The following SLC41A3 variants were observed in gnomAD, a reference collection of about 807,000 sequenced individuals.
SLC41A3 encodes solute carrier family 41 member 3.
Under a neutral mutation model 45.4 loss-of-function variants are expected in SLC41A3, and 44 were observed. The observed-to-expected ratio is 0.97, with a 90% CI of 0.76 to 1.25. SLC41A3 has a LOEUF of 1.25. SLC41A3 is among the 50% of genes most tolerant of loss of function. SLC41A3 has a pLI of 0.00. For synonymous variants in SLC41A3, 256 were observed against 252.4 expected (o/e 1.01, Z -0.13); for missense variants, 550 against 600.6 (o/e 0.92, Z 0.88).
chr3:126,062,236 C>A (rs558526927), intron 2 of SLC41A3, among the ~76,000 whole-genome samples: 16 of 152,234 alleles, frequency 1.1e-4, no homozygotes, highest in Non-Finnish European at 1.8e-4. Context: ...CCTGTCCATT[C>A]AGACCCCCAC....
intron 3 of SLC41A3, among the ~76,000 whole-genome samples, chr3:126,042,173 G>A (rs1942636806): frequency 6.6e-6 from 1 of 152,158 alleles, no homozygotes; most frequent in Non-Finnish European, 1.5e-5. Flanking sequence ...ACATATTAGA[G>A]TTCTCATGGA....
intron 3 of SLC41A3, among the ~76,000 whole-genome samples, chr3:126,046,139 CACTGTT>C (rs1331696851): frequency 3.3e-5 from 5 of 151,944 alleles, no homozygotes; most frequent in South Asian, 4.1e-4. Context: ...CAGTAAACAT[CACTGTT>C]AATGGTGGCA....
Position 126,007,143 on chromosome 3 carries a change from G to C in SLC41A3, c.1337C>G (p.Pro446Arg). ...CAGGTCCCCCAGCCCTGTAAGGTAG[G>C]GGATGCAGTGGTTGTCAGGATCCAG... ...QALDPDNHCIPYLTGLGDLLG... is the reference protein window; with the variant it reads ...QALDPDNHCIRYLTGLGDLLG... The change falls in exon 11 of 11, where the codon CCC becomes CGC. Residue 446 changes from proline (P) to arginine (R), a missense_variant. Pro to Arg is a moderately radical substitution (Grantham distance 103). Coordinates refer to ENST00000360370, the MANE Select transcript of SLC41A3 (RefSeq NM_017836.4). 1 of 1,614,234 alleles carries C rather than the reference G, an allele frequency of 6.2e-7. No individual in the cohort carries two copies. Among genetic ancestry groups the C allele is most frequent in the Non-Finnish European group, 8.5e-7 (1 of 1,180,040 alleles).
chr3:126,045,174 T>TA (rs1327331216), intron 3 of SLC41A3, among the ~76,000 whole-genome samples: 1 of 151,568 alleles, frequency 6.6e-6, no homozygotes, highest in Non-Finnish European at 1.5e-5. Context: ...TCAATTCCAT[T>TA]AAAAAAAGAA....
chr3:126,066,457 G>A (rs1944350392), intron 2 of SLC41A3, among the ~76,000 whole-genome samples: 1 of 152,102 alleles, frequency 6.6e-6, no homozygotes. Flanking sequence ...CGTGAGTTTT[G>A]GGATAACTTG....
At chr3:126,020,561 T>G (rs1054806726) in intron 6 of SLC41A3, among the ~76,000 whole-genome samples, 7 of 152,154 alleles carry the variant, frequency 4.6e-5, no homozygotes, top group African/African-American at 1.7e-4. Flanking sequence ...CGAAGCTCCA[T>G]CCCAACCACC....
At chr3:126,008,380 G>C (rs575116228) in intron 10 of SLC41A3, among the ~76,000 whole-genome samples, 1 of 151,698 alleles carries the variant, frequency 6.6e-6, no homozygotes, top group Non-Finnish European at 1.5e-5. Flanking sequence ...GGAGTGTGTG[G>C]TGTGAAGTGT....
chr3:126,021,661 C>G (rs1443154912), intron 6 of SLC41A3, among the ~76,000 whole-genome samples: 4 of 152,168 alleles, frequency 2.6e-5, no homozygotes, highest in Non-Finnish European at 5.9e-5. Context: ...CTGACCATGG[C>G]TTGACAACTG....
chr3:126,049,003 T>A (rs1240162913), intron 3 of SLC41A3, among the ~76,000 whole-genome samples: 1 of 152,158 alleles, frequency 6.6e-6, no homozygotes, highest in African/African-American at 2.4e-5. Flanking sequence ...ACTGTTGTAA[T>A]GAATTACATT....
At position 126,015,489 on chromosome 3, in the gene SLC41A3, C is replaced by T. The variant is rs377533624; in HGVS notation, c.970+5G>A. The T allele has an allele frequency of 1.2e-5, 19 of 1,614,012 alleles. No individual in the cohort carries two copies. The highest frequency in any genetic ancestry group is 8.9e-5 in the East Asian group (4 of 44,900). On this transcript the variant is annotated splice_donor_5th_base_variant and intron_variant, in intron 8 of 10. Transcript: ENST00000360370. ...GGACCACATGGGAACCCTTCAAATA[C>T]GTACCACATATGACGGGGGTAAATA...
chr3:126,026,580 G>C lies in SLC41A3; in HGVS notation c.454-101C>G, dbSNP rs1318995091. ...CACCGCAAGGGGCCGGGTGCCACAT[G>C]CTACTGCCTCCTTTCCCTTACCCTA... On this transcript the variant is annotated intron_variant, in intron 4 of 10. Coordinates refer to ENST00000360370, the MANE Select transcript of SLC41A3 (RefSeq NM_017836.4). This position sits in a 1 kb window ranked among gnomAD's most constrained non-coding sequence, Gnocchi z 4.2. The C allele has an allele frequency of 1.4e-6, 2 of 1,429,756 alleles. No individual in the cohort carries two copies. Among genetic ancestry groups the C allele is most frequent in the Non-Finnish European group, 1.9e-6 (2 of 1,055,228 alleles). 88.6% of individuals were successfully genotyped at this position (1,429,756 alleles called of 1,614,324 possible). A position where few individuals can be genotyped will look rare whatever the true frequency, so the allele number is the denominator to read the frequency against.
intron 8 of SLC41A3, among the ~76,000 whole-genome samples, chr3:126,013,929 C>T (rs994907921): frequency 6.6e-6 from 1 of 152,190 alleles, no homozygotes; most frequent in Non-Finnish European, 1.5e-5. Context: ...CATGCGGTCT[C>T]TGGGAACACC....
intron 3 of SLC41A3, among the ~76,000 whole-genome samples, chr3:126,043,821 CAAAAAAA>C (rs1559849284): frequency 2.7e-5 from 2 of 74,804 alleles, no homozygotes; most frequent in Non-Finnish European, 6.6e-5. Context: ...AACAAAAAAA[CAAAAAAA>C]CAAAAAAAAA....
At chr3:126,057,112 G>C in intron 2 of SLC41A3, 7 of 987,086 alleles carry the variant, frequency 7.1e-6, no homozygotes, top group Non-Finnish European at 8.4e-6. Context: ...CCTCAGGCCA[G>C]CTCTACAGAC....
At chr3:126,019,156 C>A (rs959508669) in intron 6 of SLC41A3, among the ~76,000 whole-genome samples, 2 of 152,168 alleles carry the variant, frequency 1.3e-5, no homozygotes, top group Non-Finnish European at 2.9e-5. Flanking sequence ...CCGGAGGTGG[C>A]GCAAGGCACC....
chr3:126,086,220 A>C (rs1331025648), upstream of SLC41A3, among the ~76,000 whole-genome samples: 2 of 152,176 alleles, frequency 1.3e-5, no homozygotes. Flanking sequence ...TGTAAAATGG[A>C]AATATAATGA....
intron 3 of SLC41A3, among the ~76,000 whole-genome samples, chr3:126,035,836 C>T (rs549802536): frequency 2.6e-5 from 4 of 151,944 alleles, no homozygotes; most frequent in East Asian, 1.9e-4. Context: ...TCGCCACCCA[C>T]GAGGGGGCTC....
Position 126,059,311 on chromosome 3 carries a change from G to GAAAGAAAGAAAGAAAGAAAGAAAGA in SLC41A3, c.274-8262_274-8261insTCTTTCTTTCTTTCTTTCTTTCTTT, listed in dbSNP as rs1576331873. Among the ~76,000 whole-genome samples, 200 of 81,044 alleles carry GAAAGAAAGAAAGAAAGAAAGAAAGA rather than the reference G, an allele frequency of 2.5e-3. 1 individual carries two copies. The highest frequency in any genetic ancestry group is 7.4e-3 in the Middle Eastern group (1 of 136). 53.2% of individuals were successfully genotyped at this position (81,044 alleles called of 152,430 possible). ...GAAAGAAAGAAAGAAAGAAAGAAAG[G>GAAAGAAAGAAAGAAAGAAAGAAAGA]AAGGATGATCTGTGATAAGTGCTCT... On this transcript the variant is annotated intron_variant, in intron 2 of 10. Transcript: ENST00000360370.
chr3:126,022,491 G>A (rs1174737359), intron 6 of SLC41A3, among the ~76,000 whole-genome samples: 2 of 152,214 alleles, frequency 1.3e-5, no homozygotes, highest in Non-Finnish European at 2.9e-5. Flanking sequence ...ACCACATGGT[G>A]ACAGAACCCA....
Sources: gnomAD v4.1 joint callset for allele counts (sites outside exome capture counted in the v4.1 genomes callset) on GRCh38, gnomAD v4.1.1 for gene constraint, Gnocchi (gnomAD v3.1) non-coding constraint, MANE v1.5 for transcripts, NCBI Gene and HGNC (gene_info 2026-07-23, HGNC 2026-07-21) for gene names.